ADAMTS2: variants seen among roughly 807,000 people sequenced by gnomAD.
The protein encoded by ADAMTS2 is ADAM metallopeptidase with thrombospondin type 1 motif 2.
A neutral mutation model predicts 123.0 loss-of-function variants in ADAMTS2; 50 were observed. The ratio of observed to expected loss-of-function variants is 0.41; its 90% CI spans 0.32 to 0.51. ADAMTS2 has a LOEUF of 0.51. Ranked by LOEUF, ADAMTS2 falls within the 20% of genes least tolerant of loss-of-function variation. The pLI, the probability that ADAMTS2 is intolerant of heterozygous loss-of-function variation, is 0.35. For missense variants in ADAMTS2, 1,494 were observed against 1,705.2 expected (o/e 0.88, Z 2.18); for synonymous variants, 678 against 695.4 (o/e 0.98, Z 0.39).
At position 179,189,497 on chromosome 5, in the gene ADAMTS2, G is replaced by C. The variant is rs553801228; in HGVS notation, c.892-8342C>G. ...CGAGTAGCTGGGGCTACAGGCGCCC[G>C]CCAGTGCGCCTGGTTTTTTTTTTTT... is the stretch of plus-strand genomic sequence containing the variant. On this transcript the variant is annotated intron_variant, in intron 4 of 21. Transcript: ENST00000251582. This position sits in a 1 kb window ranked among gnomAD's most constrained non-coding sequence, Gnocchi z 4.2. 7.3e-6 allele frequency among the ~76,000 whole-genome samples: 1 copy of C among 137,904 alleles called. No homozygotes were observed. The highest frequency in any genetic ancestry group is 1.5e-5 in the Non-Finnish European group (1 of 65,314). 90.5% of individuals were successfully genotyped at this position (137,904 alleles called of 152,430 possible). A position where few individuals can be genotyped will look rare whatever the true frequency, so the allele number is the denominator to read the frequency against.
intron 10 of ADAMTS2, among the ~76,000 whole-genome samples, chr5:179,147,249 T>C (rs953441960): frequency 7.9e-5 from 12 of 152,100 alleles, no homozygotes; most frequent in African/African-American, 2.9e-4. Context: ...CCACCATGCC[T>C]GGCTAATTTT....
At position 179,203,443 on chromosome 5, in the gene ADAMTS2, C is replaced by T. The variant is rs573473465; in HGVS notation, c.891+4070G>A. Reference sequence around the variant, plus strand: ...CATGCTTTTGCTTTCGCTCCAGCCACGGGGAGCCCTGTGACCAGCTGGGAC... The same window carrying T: ...CATGCTTTTGCTTTCGCTCCAGCCATGGGGAGCCCTGTGACCAGCTGGGAC... On this transcript the variant is annotated intron_variant, in intron 4 of 21. Transcript: ENST00000251582. 2.2e-3 allele frequency among the ~76,000 whole-genome samples: 339 copies of T among 152,332 alleles called. 1 individual carries two copies. Among genetic ancestry groups the T allele is most frequent in the South Asian group, 2.5e-3 (12 of 4,822 alleles).
chr5:179,339,861 T>C (rs1757719224), intron 2 of ADAMTS2, among the ~76,000 whole-genome samples: 1 of 152,200 alleles, frequency 6.6e-6, no homozygotes, highest in Non-Finnish European at 1.5e-5. Context: ...TGGAGCCCAG[T>C]GTGTGGCCTC....
At chr5:179,161,320 G>C (rs1246442727) in intron 5 of ADAMTS2, among the ~76,000 whole-genome samples, 1 of 152,164 alleles carries the variant, frequency 6.6e-6, no homozygotes, top group Non-Finnish European at 1.5e-5. Flanking sequence ...AGGGAAACTC[G>C]GGGTGGATGT....
intron 3 of ADAMTS2, among the ~76,000 whole-genome samples, chr5:179,267,476 G>A (rs1350088773): frequency 2.0e-5 from 3 of 152,186 alleles, no homozygotes; most frequent in Non-Finnish European, 4.4e-5. Context: ...TCACTGGCAC[G>A]TTGCTGTCTG....
At position 179,314,114 on chromosome 5, in the gene ADAMTS2, T is replaced by A. The variant is rs1047058047; in HGVS notation, c.534+29653A>T. 6.6e-6 allele frequency among the ~76,000 whole-genome samples: 1 copy of A among 152,202 alleles called. No homozygotes were observed. The highest frequency in any genetic ancestry group is 1.5e-5 in the Non-Finnish European group (1 of 68,014). ...CCTGCCTATGCCCAGACCTCCAGCT[T>A]CAGGCTCTGCATCCACACGGAGGCT... On this transcript the variant is annotated intron_variant, in intron 2 of 21. Transcript: ENST00000251582. This position sits in a 1 kb window ranked among gnomAD's most constrained non-coding sequence, Gnocchi z 4.5.
intron 4 of ADAMTS2, among the ~76,000 whole-genome samples, chr5:179,184,805 C>T (rs1254846989): frequency 1.3e-5 from 2 of 152,026 alleles, no homozygotes; most frequent in Non-Finnish European, 2.9e-5. Flanking sequence ...TGAATTGTGG[C>T]TCTGAGTAGA....
intron 2 of ADAMTS2, among the ~76,000 whole-genome samples, chr5:179,300,139 C>A (rs1377955520): frequency 6.6e-6 from 1 of 151,106 alleles, no homozygotes; most frequent in Non-Finnish European, 1.5e-5. Context: ...TTACACTGTG[C>A]CATCCAGGAT....
At chr5:179,204,335 G>A (rs1265790114) in intron 4 of ADAMTS2, among the ~76,000 whole-genome samples, 1 of 152,194 alleles carries the variant, frequency 6.6e-6, no homozygotes, top group Admixed American at 6.5e-5. Context: ...GGTGAAGACG[G>A]TGACTTATGT....
intron 3 of ADAMTS2, among the ~76,000 whole-genome samples, chr5:179,210,078 C>T (rs187192771): frequency 1.2e-3 from 179 of 152,346 alleles, no homozygotes; most frequent in African/African-American, 3.5e-3. Flanking sequence ...GAACATCCAG[C>T]TTCTCTTGAG....
chr5:179,289,476 G>A (rs772248594), intron 2 of ADAMTS2, among the ~76,000 whole-genome samples: 4 of 152,168 alleles, frequency 2.6e-5, no homozygotes, highest in African/African-American at 4.8e-5. Flanking sequence ...TCAGGACTGC[G>A]GCAGGTACGA....
At chr5:179,342,032 T>G (rs910908716) in intron 2 of ADAMTS2, among the ~76,000 whole-genome samples, 1 of 152,136 alleles carries the variant, frequency 6.6e-6, no homozygotes, top group Non-Finnish European at 1.5e-5. Flanking sequence ...CTGGCCAGAG[T>G]GTCCGTCAGC....
At chr5:179,236,443 A>G (rs181420003) in intron 3 of ADAMTS2, among the ~76,000 whole-genome samples, 6 of 152,300 alleles carry the variant, frequency 3.9e-5, no homozygotes, top group Admixed American at 3.3e-4. Context: ...TGAAAGCCAG[A>G]GGTGCTTAAG....
chr5:179,169,257 C>T (rs1763769121), intron 5 of ADAMTS2, among the ~76,000 whole-genome samples: 1 of 152,206 alleles, frequency 6.6e-6, no homozygotes, highest in African/African-American at 2.4e-5. Flanking sequence ...TGCGAGGGCA[C>T]AGCTAGAAGG....
At chr5:179,277,112 G>A (rs1212970181) in intron 2 of ADAMTS2, among the ~76,000 whole-genome samples, 2 of 152,002 alleles carry the variant, frequency 1.3e-5, no homozygotes, top group Non-Finnish European at 2.9e-5. Context: ...TCCTCGGAGG[G>A]CACAGGAGCA....
rs192609319 is a variant in ADAMTS2 at position 179,292,433 on chromosome 5, C to T, written c.535-19369G>A. On this transcript the variant is annotated intron_variant, in intron 2 of 21. Transcript: ENST00000251582. ...GATAGCTCCTGAGCCTGAGCAGTAA[C>T]GAGGGTCTCTGCATGCACTGAGCAG... is the stretch of plus-strand genomic sequence containing the variant. Among the ~76,000 whole-genome samples the T allele has an allele frequency of 2.1e-3, 314 of 151,996 alleles. 1 individual carries two copies. The highest frequency in any genetic ancestry group is 6.5e-3 in the African/African-American group (271 of 41,450).
At chr5:179,114,807 C>T (rs1288315424) in intron 21 of ADAMTS2, among the ~76,000 whole-genome samples, 1 of 152,176 alleles carries the variant, frequency 6.6e-6, no homozygotes, top group East Asian at 1.9e-4. Context: ...TCCTAAGACC[C>T]AATATAGCAA....
In ADAMTS2 at chr5:179,111,278, A is replaced by C. The variant is rs886060482; in HGVS notation, c.*2589T>G. ...GGTCTGAGTCTCATCATGCGGTTAG[A>C]AACTCAGCTAGAAGACATCTGTCTG... On this transcript the variant is annotated 3_prime_UTR_variant, in exon 22 of 22. Coordinates refer to ENST00000251582, the MANE Select transcript of ADAMTS2 (RefSeq NM_014244.5). The C allele has an allele frequency of 3.3e-5, 5 of 152,252 alleles. No homozygotes were observed. The highest frequency in any genetic ancestry group is 2.1e-4 in the South Asian group (1 of 4,828). 9.4% of individuals were successfully genotyped at this position (152,252 alleles called of 1,614,324 possible). A position where few individuals can be genotyped will look rare whatever the true frequency, so the allele number is the denominator to read the frequency against.
chr5:179,297,406 C>A (rs976956016), intron 2 of ADAMTS2, among the ~76,000 whole-genome samples: 7 of 152,148 alleles, frequency 4.6e-5, no homozygotes, highest in African/African-American at 1.4e-4. Context: ...AATGCAGAAA[C>A]CTGAGATTGC....
Sources: gnomAD v4.1 joint callset for allele counts (sites outside exome capture counted in the v4.1 genomes callset) on GRCh38, gnomAD v4.1.1 for gene constraint, Gnocchi (gnomAD v3.1) non-coding constraint, MANE v1.5 for transcripts, NCBI Gene and HGNC (gene_info 2026-07-23, HGNC 2026-07-21) for gene names.